CEP112: variants seen among roughly 807,000 people sequenced by gnomAD.
CEP112 encodes centrosomal protein of 112 kDa.
Under a neutral mutation model 153.0 loss-of-function variants are expected in CEP112, and 127 were observed. The ratio of observed to expected loss-of-function variants is 0.83; its 90% CI spans 0.72 to 0.96. CEP112 has a LOEUF of 0.96. CEP112 is among the 40% of genes least tolerant of loss of function. CEP112 has a pLI of 0.00. For missense variants in CEP112, 1,089 were observed against 1,101.2 expected (o/e 0.99, Z 0.16); for synonymous variants, 358 against 374.4 (o/e 0.96, Z 0.51).
At chr17:66,112,101 G>A (rs2069077835) in intron 6 of CEP112, among the ~76,000 whole-genome samples, 1 of 151,910 alleles carries the variant, frequency 6.6e-6, no homozygotes. Context: ...GACCAGCCTG[G>A]CCAACATGGT....
At chr17:65,950,321 AG>A (rs1417105894) in intron 18 of CEP112, among the ~76,000 whole-genome samples, 4 of 152,324 alleles carry the variant, frequency 2.6e-5, no homozygotes, top group African/African-American at 9.6e-5. Flanking sequence ...CAATTATCGG[AG>A]AATTACCATC....
chr17:65,764,262 A>G (rs1018388228), intron 21 of CEP112, among the ~76,000 whole-genome samples: 2 of 152,224 alleles, frequency 1.3e-5, no homozygotes, highest in Non-Finnish European at 2.9e-5. Flanking sequence ...AAAGTTATAT[A>G]TAGCCCATTT....
At chr17:66,181,019 A>G (rs1170867693) in intron 2 of CEP112, among the ~76,000 whole-genome samples, 2 of 152,166 alleles carry the variant, frequency 1.3e-5, no homozygotes, top group Non-Finnish European at 2.9e-5. Context: ...CAAAAGTGAA[A>G]CTGATAAACT....
intron 21 of CEP112, among the ~76,000 whole-genome samples, chr17:65,760,169 T>C (rs944845074): frequency 2.6e-5 from 4 of 152,196 alleles, no homozygotes; most frequent in Non-Finnish European, 5.9e-5. Flanking sequence ...TCGATTCTTT[T>C]GGATTCTCTA....
intron 21 of CEP112, among the ~76,000 whole-genome samples, chr17:65,753,132 ATTTG>A (rs1313721032): frequency 6.6e-6 from 1 of 152,302 alleles, no homozygotes; most frequent in Non-Finnish European, 1.5e-5. Context: ...GAAGCAAATG[ATTTG>A]TTTATTTTCA....
chr17:65,851,214 T>C (rs2057917689), intron 21 of CEP112, among the ~76,000 whole-genome samples: 2 of 152,242 alleles, frequency 1.3e-5, no homozygotes, highest in South Asian at 2.1e-4. Context: ...AAAATAGTTA[T>C]ACTTTTTCTG....
intron 20 of CEP112, among the ~76,000 whole-genome samples, chr17:65,896,491 A>C (rs2059663209): frequency 6.6e-6 from 1 of 152,058 alleles, no homozygotes; most frequent in African/African-American, 2.4e-5. Flanking sequence ...TTTTCTGCTA[A>C]CTAAATACTT....
chr17:65,723,178 T>C (rs1412089934), intron 23 of CEP112, among the ~76,000 whole-genome samples: 1 of 152,194 alleles, frequency 6.6e-6, no homozygotes. Context: ...TTCTGTTCCA[T>C]GGTAGGTAGA....
At chr17:65,687,507 T>C (rs1244379394) in intron 24 of CEP112, among the ~76,000 whole-genome samples, 1 of 152,158 alleles carries the variant, frequency 6.6e-6, no homozygotes, top group Non-Finnish European at 1.5e-5. Flanking sequence ...TTCTATTTTG[T>C]TATCCTATTG....
Position 66,170,768 on chromosome 17 carries a change from G to GA in CEP112, c.470+4275dup, listed in dbSNP as rs563862706. Reference sequence around the variant, plus strand: ...ACAGAGTAAGACTCTATCTCAAAAAGAAAAAAAAAAGAAAAAGAAAATAGG... The same window carrying GA: ...ACAGAGTAAGACTCTATCTCAAAAAGAAAAAAAAAAAGAAAAAGAAAATAGG... On this transcript the variant is annotated intron_variant, in intron 4 of 26. Coordinates refer to ENST00000535342, the MANE Select transcript of CEP112 (RefSeq NM_001199165.4). Among the ~76,000 whole-genome samples, 602 of 133,854 alleles carry GA rather than the reference G, an allele frequency of 4.5e-3. 3 individuals are homozygous for GA. The highest frequency in any genetic ancestry group is 5.7e-3 in the Non-Finnish European group (348 of 61,132). 87.8% of individuals were successfully genotyped at this position (133,854 alleles called of 152,430 possible).
At chr17:66,171,147 G>C (rs949373300) in intron 4 of CEP112, among the ~76,000 whole-genome samples, 1 of 152,140 alleles carries the variant, frequency 6.6e-6, no homozygotes, top group Non-Finnish European at 1.5e-5. Flanking sequence ...ACTGAATAGA[G>C]AGTCCTAACA....
Position 65,904,683 on chromosome 17 carries a change from T to C in CEP112, c.1981-2349A>G, listed in dbSNP as rs866140854. On this transcript the variant is annotated intron_variant, in intron 19 of 26. Transcript: ENST00000535342. ...AAAAAGAACAAAGCTGGAGGCATCATGCTACCTGACTTCAAACTATACTAT... is the reference window on the plus strand; with the variant it reads ...AAAAAGAACAAAGCTGGAGGCATCACGCTACCTGACTTCAAACTATACTAT... Among the ~76,000 whole-genome samples the C allele has an allele frequency of 3.3e-5, 5 of 152,126 alleles. No individual in the cohort carries two copies. In the South Asian group the frequency reaches 6.2e-4, roughly 19 times the overall value.
intron 23 of CEP112, among the ~76,000 whole-genome samples, chr17:65,694,845 C>A (rs2048282778): frequency 6.6e-6 from 1 of 152,190 alleles, no homozygotes; most frequent in South Asian, 2.1e-4. Flanking sequence ...CACACACACA[C>A]AAAATCACAA....
chr17:65,835,394 A>C (rs571422063), intron 21 of CEP112, among the ~76,000 whole-genome samples: 1 of 152,302 alleles, frequency 6.6e-6, no homozygotes, highest in East Asian at 1.9e-4. Flanking sequence ...GAAATCCCCA[A>C]GGCACACACT....
At chr17:66,157,030 C>T (rs1009755050) in intron 4 of CEP112, among the ~76,000 whole-genome samples, 4 of 152,114 alleles carry the variant, frequency 2.6e-5, no homozygotes, top group South Asian at 2.1e-4. Flanking sequence ...ACAGAGAGCA[C>T]TACAAAGACA....
intron 21 of CEP112, among the ~76,000 whole-genome samples, chr17:65,816,625 C>T (rs868375789): frequency 1.3e-5 from 2 of 152,006 alleles, no homozygotes; most frequent in Admixed American, 6.6e-5. Flanking sequence ...TTTGAACCAA[C>T]TCTGCATTCC....
chr17:66,121,067 T>C (rs540530643), intron 6 of CEP112, among the ~76,000 whole-genome samples: 23 of 152,040 alleles, frequency 1.5e-4, no homozygotes, highest in African/African-American at 5.3e-4. Flanking sequence ...TCGCCTGAGG[T>C]TGGGAGTTCG....
At chr17:65,971,158 A>G (rs1221506368) in intron 17 of CEP112, among the ~76,000 whole-genome samples, 3 of 150,634 alleles carry the variant, frequency 2.0e-5, no homozygotes, top group African/African-American at 5.0e-5. Context: ...TGATACATGT[A>G]CATTACATGT....
rs145548959 is a variant in CEP112, at chr17:65,840,689, T to C, written c.2394+11115A>G. ...ATATTGAAGTAAATATACATTAGTA[T>C]TGACTTTCTGCAAGCAAAGAAAACA... is the stretch of plus-strand genomic sequence containing the variant. On this transcript the variant is annotated intron_variant, in intron 21 of 26. Coordinates refer to ENST00000535342, the MANE Select transcript of CEP112 (RefSeq NM_001199165.4). Among the ~76,000 whole-genome samples, 1,040 of 152,070 alleles carry C rather than the reference T, an allele frequency of 6.8e-3. 2 individuals carry two copies. The highest frequency in any genetic ancestry group is 9.2e-3 in the Admixed American group (140 of 15,274).
Sources: allele counts gnomAD v4.1 joint callset (sites outside exome capture counted in the v4.1 genomes callset), GRCh38; gene constraint gnomAD v4.1.1; transcripts MANE v1.5; gene names NCBI Gene and HGNC (gene_info 2026-07-23, HGNC 2026-07-21).